AGBL1: variants seen among roughly 807,000 people sequenced by gnomAD.
AGBL1 encodes cytosolic carboxypeptidase 4.
In AGBL1, 130 loss-of-function variants were observed where a neutral mutation model predicts 118.9. That is an observed-to-expected ratio of 1.09 (90% CI 0.95 to 1.26). The LOEUF (loss-of-function observed/expected upper bound fraction) is 1.26. AGBL1 is among the 50% of genes most tolerant of loss of function. The pLI, the probability that AGBL1 is intolerant of heterozygous loss-of-function variation, is 0.00. For synonymous variants in AGBL1, 555 were observed against 478.9 expected (o/e 1.16, Z -2.08); for missense variants, 1,584 against 1,298.1 (o/e 1.22, Z -3.38).
chr15:86,367,093 A>G (rs1169692210), intron 17 of AGBL1, among the ~76,000 whole-genome samples: 3 of 152,202 alleles, frequency 2.0e-5, no homozygotes, highest in African/African-American at 7.2e-5. Context: ...CCTGACCATT[A>G]GTTAAGAACT....
intron 23 of AGBL1, among the ~76,000 whole-genome samples, chr15:86,965,403 C>A (rs1010685929): frequency 6.6e-6 from 1 of 151,682 alleles, no homozygotes; most frequent in African/African-American, 2.4e-5. Flanking sequence ...CTTTTTTTTT[C>A]ATGTGTTTGT....
chr15:86,430,650 T>C (rs557396162), intron 18 of AGBL1, among the ~76,000 whole-genome samples: 15 of 152,214 alleles, frequency 9.9e-5, no homozygotes, highest in Admixed American at 5.9e-4. Context: ...ATAGGATAGA[T>C]GCTTTAATAG....
intron 23 of AGBL1, among the ~76,000 whole-genome samples, chr15:86,968,340 A>C (rs1469349312): frequency 2.0e-5 from 3 of 151,936 alleles, no homozygotes; most frequent in Non-Finnish European, 2.9e-5. Context: ...GAGCTAAGGT[A>C]ATGATTAGAT....
At position 86,467,033 on chromosome 15, in the gene AGBL1, G is replaced by A. The variant is rs140428324; in HGVS notation, c.2556-55777G>A. Among the ~76,000 whole-genome samples, 410 of 152,324 alleles carry A rather than the reference G, an allele frequency of 2.7e-3. 1 individual carries two copies. The highest frequency in any genetic ancestry group is 9.0e-3 in the African/African-American group (376 of 41,580). ...AGATCTGCTGCTCTCTTCAGAACCC[G>A]CGTGCAGGAACATTTAATTCTGCTG... On this transcript the variant is annotated intron_variant, in intron 18 of 22. Coordinates refer to ENST00000614907, the MANE Select transcript of AGBL1 (RefSeq NM_001386094.1).
intron 5 of AGBL1, among the ~76,000 whole-genome samples, chr15:86,197,828 C>G (rs1389055621): frequency 6.6e-6 from 1 of 151,920 alleles, no homozygotes; most frequent in Admixed American, 6.6e-5. Flanking sequence ...TGAAGAAAGA[C>G]TGTCAGATTC....
chr15:86,626,060 GA>G (rs1222399932), intron 21 of AGBL1, among the ~76,000 whole-genome samples: 5 of 151,960 alleles, frequency 3.3e-5, no homozygotes, highest in Non-Finnish European at 7.4e-5. Context: ...CAGAAGTCAG[GA>G]AAAAAAGGGT....
intron 17 of AGBL1, among the ~76,000 whole-genome samples, chr15:86,315,252 G>A (rs1228609350): frequency 6.6e-6 from 1 of 152,160 alleles, no homozygotes; most frequent in African/African-American, 2.4e-5. Flanking sequence ...TATAGCTCAG[G>A]TGTAGGTATT....
At chr15:86,200,088 C>T (rs190979004) in intron 5 of AGBL1, among the ~76,000 whole-genome samples, 31 of 152,274 alleles carry the variant, frequency 2.0e-4, no homozygotes, top group South Asian at 2.1e-4. Flanking sequence ...TTGTTATACA[C>T]GTGTCTCAGT....
intron 23 of AGBL1, among the ~76,000 whole-genome samples, chr15:86,946,843 C>CAA (rs11355715): frequency 0.04 from 3,951 of 99,632 alleles, 184 homozygotes; most frequent in East Asian, 0.052. Context: ...AAACTCGGTC[C>CAA]AAAAAAAAAA....
At position 86,393,254 on chromosome 15, in the gene AGBL1, T is replaced by G. The variant is rs149933421; in HGVS notation, c.2375-4112T>G. 8.6e-4 allele frequency among the ~76,000 whole-genome samples: 131 copies of G among 152,338 alleles called. 1 individual carries two copies. Among genetic ancestry groups the G allele is most frequent in the African/African-American group, 3.0e-3 (124 of 41,582 alleles). The stretch of plus-strand genomic sequence containing the variant: ...AAGAGACACATTGTTGATGTCTCTC[T>G]GTTAGAGCTTGCATTTGGCTTATTG... On this transcript the variant is annotated intron_variant, in intron 17 of 22. Coordinates refer to ENST00000614907, the MANE Select transcript of AGBL1 (RefSeq NM_001386094.1).
chr15:86,695,068 G>A (rs1555439227), intron 22 of AGBL1, among the ~76,000 whole-genome samples: 1 of 151,838 alleles, frequency 6.6e-6, no homozygotes, highest in African/African-American at 2.4e-5. Flanking sequence ...TTTTTGTTAT[G>A]TCTTTTCCCG....
At chr15:86,362,660 TG>T (rs2080822723) in intron 17 of AGBL1, among the ~76,000 whole-genome samples, 1 of 151,760 alleles carries the variant, frequency 6.6e-6, no homozygotes, top group African/African-American at 2.4e-5. Context: ...GAGACTGAGG[TG>T]GGAGGGCCTG....
chr15:86,841,022 G>A (rs1302018375), intron 22 of AGBL1, among the ~76,000 whole-genome samples: 3 of 152,084 alleles, frequency 2.0e-5, no homozygotes, highest in African/African-American at 7.2e-5. Flanking sequence ...CTTTTTTTCA[G>A]TAATAATTTT....
At chr15:86,521,927 C>T (rs2142199254) in intron 18 of AGBL1, among the ~76,000 whole-genome samples, 1 of 152,126 alleles carries the variant, frequency 6.6e-6, no homozygotes, top group African/African-American at 2.4e-5. Flanking sequence ...AGCTCATTGA[C>T]CCTACTGAGT....
At chr15:86,709,537 A>G (rs1474887968) in intron 22 of AGBL1, among the ~76,000 whole-genome samples, 1 of 152,180 alleles carries the variant, frequency 6.6e-6, no homozygotes, top group Non-Finnish European at 1.5e-5. Flanking sequence ...TTCATGGCTA[A>G]TTCCAATGAT....
At chr15:86,312,068 G>C (rs1186900279) in intron 17 of AGBL1, 1 of 152,154 alleles carries the variant, frequency 6.6e-6, no homozygotes, top group Non-Finnish European at 1.5e-5. Flanking sequence ...TCATTTCTCT[G>C]TTAGAGTAAG....
At chr15:86,093,235 A>T (rs1365657749) in intron 1 of AGBL1, among the ~76,000 whole-genome samples, 5 of 152,214 alleles carry the variant, frequency 3.3e-5, no homozygotes, top group African/African-American at 1.2e-4. Context: ...TGGGTGACCC[A>T]GAAAATTTGA....
intron 17 of AGBL1, among the ~76,000 whole-genome samples, chr15:86,331,854 A>G (rs1169503475): frequency 1.3e-5 from 2 of 152,244 alleles, no homozygotes; most frequent in Non-Finnish European, 2.9e-5. Flanking sequence ...ACTTAAGCAC[A>G]TAGCCCAAAG....
chr15:86,712,167 T>A lies in AGBL1; in HGVS notation c.3158+37731T>A, dbSNP rs77016363. On this transcript the variant is annotated intron_variant, in intron 22 of 22. Coordinates refer to ENST00000614907, the MANE Select transcript of AGBL1 (RefSeq NM_001386094.1). ...TTAGTATAGACATTTTAAGTGACCA[T>A]GAGAATATTGTTAAAATTTTCAGTG... is the stretch of plus-strand genomic sequence containing the variant. Among the ~76,000 whole-genome samples the A allele has an allele frequency of 8.2e-3, 1,252 of 152,298 alleles. 7 individuals are homozygous for A. Among genetic ancestry groups the A allele is most frequent in the Middle Eastern group, 0.027 (8 of 294 alleles).
Sources: gnomAD v4.1 joint callset for allele counts (sites outside exome capture counted in the v4.1 genomes callset) on GRCh38, gnomAD v4.1.1 for gene constraint, MANE v1.5 for transcripts, NCBI Gene and HGNC (gene_info 2026-07-23, HGNC 2026-07-21) for gene names.